Variants in TASP1 observed in about 807,000 individuals in gnomAD.
TASP1 encodes the protein taspase 1.
TASP1 carries 16 observed loss-of-function variants against 56.6 expected under a neutral mutation model. That is an observed-to-expected ratio of 0.28 (90% CI 0.19 to 0.43). The LOEUF is 0.43. TASP1 is among the 20% of genes least tolerant of loss of function. TASP1 has a pLI of 1.00. For missense variants in TASP1, 393 were observed against 511.6 expected (o/e 0.77, Z 2.24); for synonymous variants, 179 against 184.2 (o/e 0.97, Z 0.23).
chr20:13,179,175 G>A, the TASP1 span, among the ~76,000 whole-genome samples: 1 of 152,112 alleles, frequency 6.6e-6, no homozygotes, highest in Non-Finnish European at 1.5e-5. Context: ...CTAAATGTTG[G>A]AAATAATGTA....
the TASP1 span, among the ~76,000 whole-genome samples, chr20:13,181,311 C>T: frequency 1.3e-5 from 2 of 152,110 alleles, no homozygotes; most frequent in Non-Finnish European, 2.9e-5. Context: ...CATCAATGAA[C>T]CCTTTACGGC....
chr20:13,430,483 A>G (rs2042768407), intron 12 of TASP1, among the ~76,000 whole-genome samples: 2 of 152,188 alleles, frequency 1.3e-5, no homozygotes, highest in African/African-American at 4.8e-5. Context: ...AGGAAGTCGC[A>G]GTTTTTTGCG....
At chr20:13,358,497 C>T in the TASP1 span, among the ~76,000 whole-genome samples, 2 of 152,192 alleles carry the variant, frequency 1.3e-5, no homozygotes, top group Non-Finnish European at 2.9e-5. Flanking sequence ...CCTCTTCTTA[C>T]TCTCTTCTCC....
chr20:13,479,758 A>C (rs1345733759), intron 11 of TASP1, among the ~76,000 whole-genome samples: 1 of 152,186 alleles, frequency 6.6e-6, no homozygotes. Flanking sequence ...AGCCTCCCGA[A>C]GTGCTAGGAT....
the TASP1 span, among the ~76,000 whole-genome samples, chr20:13,242,306 A>T: frequency 6.6e-6 from 1 of 152,212 alleles, no homozygotes; most frequent in Non-Finnish European, 1.5e-5. Flanking sequence ...GAATGACCAG[A>T]AACTCCACAG....
chr20:13,284,604 C>T, the TASP1 span, among the ~76,000 whole-genome samples: 1 of 152,182 alleles, frequency 6.6e-6, no homozygotes, highest in African/African-American at 2.4e-5. Context: ...CAGAAATGCC[C>T]GTTCTGTTCT....
intron 4 of TASP1, among the ~76,000 whole-genome samples, chr20:13,609,334 G>A (rs1446200128): frequency 6.6e-6 from 1 of 152,062 alleles, no homozygotes; most frequent in Non-Finnish European, 1.5e-5. Flanking sequence ...CTTGCATATT[G>A]CTGCTGGAAA....
chr20:13,455,875 T>C (rs78914531), intron 11 of TASP1, among the ~76,000 whole-genome samples: 2,569 of 152,176 alleles, frequency 0.017, 72 homozygotes, highest in African/African-American at 0.056. Context: ...CACAAGGCAA[T>C]AGATATCTCA....
intron 11 of TASP1, among the ~76,000 whole-genome samples, chr20:13,482,737 A>G (rs937053352): frequency 9.2e-5 from 14 of 152,206 alleles, no homozygotes; most frequent in African/African-American, 2.9e-4. Flanking sequence ...TATGCTATTA[A>G]GCCGATGAAT....
the TASP1 span, chr20:13,299,893 G>A: frequency 1.3e-4 from 20 of 156,644 alleles, no homozygotes; most frequent in Non-Finnish European, 2.1e-4. This position sits in a 1 kb window ranked among gnomAD's most constrained non-coding sequence, Gnocchi z 5.8. Flanking sequence ...CCTTTTCTCT[G>A]GAGTTGTGGT....
chr20:13,339,271 C>T, the TASP1 span, among the ~76,000 whole-genome samples: 2 of 152,194 alleles, frequency 1.3e-5, no homozygotes, highest in Non-Finnish European at 2.9e-5. Context: ...CAATGTTTCA[C>T]AGGCAAGCTT....
chr20:13,129,960 G>A, the TASP1 span, among the ~76,000 whole-genome samples: 5 of 152,224 alleles, frequency 3.3e-5, no homozygotes, highest in African/African-American at 1.2e-4. Flanking sequence ...AACAGAGAAT[G>A]CTATGTGTAT....
the TASP1 span, among the ~76,000 whole-genome samples, chr20:13,155,127 C>G: frequency 6.6e-6 from 1 of 151,742 alleles, no homozygotes; most frequent in Non-Finnish European, 1.5e-5. Context: ...GTTGCATGAG[C>G]AGAGATTGTG....
chr20:13,310,536 A>G, the TASP1 span, among the ~76,000 whole-genome samples: 1 of 152,246 alleles, frequency 6.6e-6, no homozygotes, highest in African/African-American at 2.4e-5. Flanking sequence ...CTCCTGCCCA[A>G]ATATGTAGGC....
chr20:13,223,308 T>G, the TASP1 span, among the ~76,000 whole-genome samples: 1 of 152,176 alleles, frequency 6.6e-6, no homozygotes, highest in Non-Finnish European at 1.5e-5. Context: ...TGCGAAAAAC[T>G]TTACCGTAAA....
chr20:13,250,134 G>T, the TASP1 span, among the ~76,000 whole-genome samples: 1 of 152,302 alleles, frequency 6.6e-6, no homozygotes, highest in South Asian at 2.1e-4. Context: ...CTGGTAGTCT[G>T]CTCCCAGGGT....
At chr20:13,404,297 T>C (rs948973468) in intron 13 of TASP1, among the ~76,000 whole-genome samples, 7 of 152,216 alleles carry the variant, frequency 4.6e-5, no homozygotes, top group Non-Finnish European at 1.0e-4. Flanking sequence ...CCCAAGAAGA[T>C]CTTATTAAAG....
the TASP1 span, among the ~76,000 whole-genome samples, chr20:13,121,247 A>T: frequency 5.3e-5 from 8 of 152,212 alleles, no homozygotes; most frequent in Admixed American, 5.2e-4. Flanking sequence ...CTTGTAACTG[A>T]TAGGTTGCAG....
chr20:13,423,308 T>C (rs565182790), intron 12 of TASP1, among the ~76,000 whole-genome samples: 1 of 152,230 alleles, frequency 6.6e-6, no homozygotes, highest in Admixed American at 6.5e-5. Flanking sequence ...ACCCCACACA[T>C]TGTCATTTAC....
Sources: allele counts gnomAD v4.1 joint callset (sites outside exome capture counted in the v4.1 genomes callset), GRCh38; gene constraint gnomAD v4.1.1; non-coding constraint Gnocchi (gnomAD v3.1); transcripts MANE v1.5; gene names NCBI Gene and HGNC (gene_info 2026-07-23, HGNC 2026-07-21).